CSMD1: variants seen among roughly 807,000 people sequenced by gnomAD.
CSMD1 encodes the protein CUB and Sushi multiple domains 1.
A neutral mutation model predicts 417.5 loss-of-function variants in CSMD1; 213 were observed. The observed-to-expected ratio is 0.51, with a 90% confidence interval of 0.46 to 0.57. The LOEUF (loss-of-function observed/expected upper bound fraction) is 0.57, where lower values mean the gene tolerates loss of function less well. CSMD1 is among the 20% of genes least tolerant of loss of function. The pLI, the probability that CSMD1 is intolerant of heterozygous loss-of-function variation, is 0.00. For missense variants in CSMD1, 6,923 were observed against 4,529.7 expected, an observed-to-expected ratio of 1.53 and a Z score of -15.17; for synonymous variants, 2,862 against 1,736.8, an observed-to-expected ratio of 1.65 and a Z score of -16.11.
At chr8:3,968,265 G>A (rs146544211) in intron 5 of CSMD1, among the ~76,000 whole-genome samples, 3 of 151,940 alleles carry the variant, frequency 2.0e-5, no homozygotes, top group South Asian at 4.1e-4. Context: ...TGTTTTCCAG[G>A]TATAGGTAGT....
intron 3 of CSMD1, among the ~76,000 whole-genome samples, chr8:4,061,472 G>A (rs760160074): frequency 5.3e-5 from 8 of 152,182 alleles, no homozygotes; most frequent in Non-Finnish European, 8.8e-5. Context: ...AAACCAAAGA[G>A]GTGGCAAAAG....
intron 2 of CSMD1, among the ~76,000 whole-genome samples, chr8:4,635,412 A>G (rs1369952493): frequency 1.3e-5 from 2 of 152,186 alleles, no homozygotes; most frequent in Admixed American, 6.5e-5. Context: ...TAATAGTACC[A>G]TAAGACCATA....
At chr8:4,848,368 C>T (rs988128329) in intron 1 of CSMD1, among the ~76,000 whole-genome samples, 3 of 152,098 alleles carry the variant, frequency 2.0e-5, no homozygotes, top group Non-Finnish European at 2.9e-5. Flanking sequence ...ATGGTGGTCA[C>T]GTAAGATTAT....
rs1801535577 is a variant in CSMD1, at chr8:2,937,092, C to T, written c.*1493G>A. On this transcript the variant is annotated 3_prime_UTR_variant, in exon 70 of 70. Coordinates refer to ENST00000635120, the MANE Select transcript of CSMD1 (RefSeq NM_033225.6). ...CATGATTTTCACTTTGAATTTGTTA[C>T]ATAAACTACCTCACGGCCACATCTT... is the stretch of plus-strand genomic sequence containing the variant. 1 of 152,178 alleles carries T rather than the reference C, an allele frequency of 6.6e-6. No individual in the cohort carries two copies. Among genetic ancestry groups the T allele is most frequent in the African/African-American group, 2.4e-5 (1 of 41,450 alleles). 9.4% of individuals were successfully genotyped at this position (152,178 alleles called of 1,614,324 possible). A position where few individuals can be genotyped will look rare whatever the true frequency, so the allele number is the denominator to read the frequency against.
At chr8:3,981,178 A>C (rs1813833347) in intron 5 of CSMD1, among the ~76,000 whole-genome samples, 1 of 152,246 alleles carries the variant, frequency 6.6e-6, no homozygotes, top group African/African-American at 2.4e-5. Flanking sequence ...GACTCCAAGA[A>C]TGGGTATCTC....
At chr8:4,064,981 G>T (rs550673613) in intron 3 of CSMD1, among the ~76,000 whole-genome samples, 2 of 151,126 alleles carry the variant, frequency 1.3e-5, no homozygotes, top group East Asian at 3.9e-4. Flanking sequence ...ACTAACTTTT[G>T]TGTCAGTTTT....
intron 5 of CSMD1, among the ~76,000 whole-genome samples, chr8:3,769,664 G>C (rs1321781325): frequency 6.6e-6 from 1 of 151,974 alleles, no homozygotes; most frequent in Non-Finnish European, 1.5e-5. Context: ...ATAGCTCTTT[G>C]TATATCTATA....
intron 2 of CSMD1, among the ~76,000 whole-genome samples, chr8:4,516,297 C>T (rs751240134): frequency 2.0e-5 from 3 of 152,104 alleles, no homozygotes; most frequent in Admixed American, 6.6e-5. Context: ...CCACTGACAC[C>T]GTGATCTTGG....
At chr8:3,224,619 T>C (rs1344072206) in intron 27 of CSMD1, among the ~76,000 whole-genome samples, 1 of 152,200 alleles carries the variant, frequency 6.6e-6, no homozygotes, top group African/African-American at 2.4e-5. Context: ...TCACAATGCT[T>C]GGTATATTAT....
chr8:4,195,762 G>C (rs902266389), intron 3 of CSMD1, among the ~76,000 whole-genome samples: 2 of 152,156 alleles, frequency 1.3e-5, no homozygotes, highest in African/African-American at 2.4e-5. Flanking sequence ...CATGCCAGGA[G>C]GTAGTGGATT....
At chr8:4,079,002 T>A (rs1206707351) in intron 3 of CSMD1, among the ~76,000 whole-genome samples, 1 of 149,820 alleles carries the variant, frequency 6.7e-6, no homozygotes, top group Non-Finnish European at 1.5e-5. Flanking sequence ...AACAGTATCA[T>A]ATGTCACCCA....
rs73502668 is a variant in CSMD1 at position 4,304,077 on chromosome 8, T to C, written c.415+115876A>G. Reference sequence around the variant, plus strand: ...GGATCACAAAGCCTCGATGAAACCCTTGAAATACCATTGTGTTGTCTTATA... The same window carrying C: ...GGATCACAAAGCCTCGATGAAACCCCTGAAATACCATTGTGTTGTCTTATA... On this transcript the variant is annotated intron_variant, in intron 3 of 69. Coordinates refer to ENST00000635120, the MANE Select transcript of CSMD1 (RefSeq NM_033225.6). Among the ~76,000 whole-genome samples, 904 of 152,300 alleles carry C rather than the reference T, an allele frequency of 5.9e-3. 10 individuals carry two copies. The highest frequency in any genetic ancestry group is 0.021 in the African/African-American group (871 of 41,562).
intron 1 of CSMD1, among the ~76,000 whole-genome samples, chr8:4,781,791 A>C (rs1361069583): frequency 6.6e-6 from 1 of 152,214 alleles, no homozygotes; most frequent in Non-Finnish European, 1.5e-5. Flanking sequence ...AATAATGATC[A>C]TGCAGCTTCT....
At chr8:4,259,581 A>T (rs1344033017) in intron 3 of CSMD1, among the ~76,000 whole-genome samples, 1 of 152,162 alleles carries the variant, frequency 6.6e-6, no homozygotes, top group Non-Finnish European at 1.5e-5. Flanking sequence ...GTTACCGATC[A>T]ACGATTGTTT....
intron 3 of CSMD1, among the ~76,000 whole-genome samples, chr8:4,070,636 C>A (rs568874065): frequency 2.0e-5 from 3 of 152,100 alleles, no homozygotes; most frequent in African/African-American, 4.8e-5. Context: ...GGATTACAGG[C>A]GTGAGCCACC....
Position 3,204,438 on chromosome 8 carries a change from G to A in CSMD1, c.4984+1066C>T, listed in dbSNP as rs539930043. Among the ~76,000 whole-genome samples the A allele has an allele frequency of 5.3e-5, 8 of 152,046 alleles. No homozygotes were observed. In the South Asian group the frequency reaches 1.7e-3, roughly 32 times the overall value. On this transcript the variant is annotated intron_variant, in intron 31 of 69. Coordinates refer to ENST00000635120, the MANE Select transcript of CSMD1 (RefSeq NM_033225.6). ...TTATTTCATTCAAATTCAGAATTAA[G>A]GCTAAAGTTAAATGAGGGACTTTAA...
At chr8:4,488,617 A>G (rs1801536627) in intron 2 of CSMD1, among the ~76,000 whole-genome samples, 1 of 151,970 alleles carries the variant, frequency 6.6e-6, no homozygotes, top group South Asian at 2.1e-4. Flanking sequence ...AACACATCCA[A>G]TCTATAGCAA....
At chr8:3,398,151 G>A (rs367893838) in intron 16 of CSMD1, among the ~76,000 whole-genome samples, 4 of 152,152 alleles carry the variant, frequency 2.6e-5, no homozygotes, top group African/African-American at 7.2e-5. Flanking sequence ...AAGAATATAG[G>A]ATCACTACTT....
At chr8:4,434,816 A>G in intron 2 of CSMD1, among the ~76,000 whole-genome samples, 1 of 152,172 alleles carries the variant, frequency 6.6e-6, no homozygotes, top group Admixed American at 6.6e-5. Context: ...GCCCTACTTC[A>G]CCAGGGCTCA....
Sources: allele counts gnomAD v4.1 joint callset (sites outside exome capture counted in the v4.1 genomes callset), GRCh38; gene constraint gnomAD v4.1.1; transcripts MANE v1.5; gene names NCBI Gene and HGNC (gene_info 2026-07-23, HGNC 2026-07-21).